PPIG: variants seen among roughly 807,000 people sequenced by gnomAD.
PPIG encodes peptidylprolyl isomerase G, also known as peptidyl-prolyl cis-trans isomerase G.
Under a neutral mutation model 87.9 loss-of-function variants are expected in PPIG, and 26 were observed. The ratio of observed to expected loss-of-function variants is 0.30; its 90% CI spans 0.22 to 0.41. PPIG has a LOEUF of 0.41. Ranked by LOEUF, PPIG falls within the 10% of genes least tolerant of loss-of-function variation. The pLI, the probability that PPIG is intolerant of heterozygous loss-of-function variation, is 1.00. For synonymous variants in PPIG, 308 were observed against 276.5 expected (o/e 1.11, Z -1.13); for missense variants, 722 against 879.4 (o/e 0.82, Z 2.26).
intron 1 of PPIG, among the ~76,000 whole-genome samples, chr2:169,589,991 C>A (rs903679670): frequency 1.7e-4 from 26 of 152,034 alleles, no homozygotes; most frequent in African/African-American, 6.3e-4. Flanking sequence ...TTCCAGTAAT[C>A]CCAGCTACTC....
intron 9 of PPIG, among the ~76,000 whole-genome samples, chr2:169,616,442 G>C (rs1685611103): frequency 6.6e-6 from 1 of 152,142 alleles, no homozygotes; most frequent in South Asian, 2.1e-4. Context: ...TACAATGGTT[G>C]AACTAATTTA....
At position 169,606,089 on chromosome 2, in the gene PPIG, T is replaced by C. The variant is rs763840791; in HGVS notation, c.187T>C (p.Cys63Arg). The C allele has an allele frequency of 6.2e-7, 1 of 1,613,632 alleles. No individual in the cohort carries two copies. The highest frequency in any genetic ancestry group is 8.5e-7 in the Non-Finnish European group (1 of 1,179,590). The change falls in exon 5 of 14, where the codon TGT becomes CGT. Residue 63 changes from cysteine (C) to arginine (R), a missense_variant. Cys to Arg is a radical substitution (Grantham distance 180, BLOSUM62 -3). Coordinates refer to ENST00000260970, the MANE Select transcript of PPIG (RefSeq NM_004792.3). ...TCAGAAACCATTACATTATAAGAGTTGTCTCTTTCACAGAGTTGTCAAGGA... is the reference window on the plus strand; with the variant it reads ...TCAGAAACCATTACATTATAAGAGTCGTCTCTTTCACAGAGTTGTCAAGGA... Reference protein sequence around the residue: ...STQKPLHYKSCLFHRVVKDFM... With the variant: ...STQKPLHYKSRLFHRVVKDFM...
intron 1 of PPIG, among the ~76,000 whole-genome samples, chr2:169,585,155 G>A (rs189130687): frequency 2.8e-4 from 42 of 152,320 alleles, no homozygotes; most frequent in Non-Finnish European, 4.6e-4. Context: ...TTTCGGAGGA[G>A]CTGTGAGCTG....
intron 1 of PPIG, among the ~76,000 whole-genome samples, chr2:169,593,430 A>C (rs1289850263): frequency 6.6e-6 from 1 of 152,050 alleles, no homozygotes; most frequent in South Asian, 2.1e-4. Flanking sequence ...TCCTGACCTC[A>C]GGTGATCTAC....
intron 1 of PPIG, among the ~76,000 whole-genome samples, chr2:169,593,350 A>C (rs1340050223): frequency 6.6e-6 from 1 of 151,968 alleles, no homozygotes; most frequent in Non-Finnish European, 1.5e-5. Flanking sequence ...ACCCACCACC[A>C]TGCCCGGCTA....
chr2:169,598,035 C>T (rs1574439701), intron 1 of PPIG, among the ~76,000 whole-genome samples: 1 of 150,032 alleles, frequency 6.7e-6, no homozygotes, highest in East Asian at 2.0e-4. Flanking sequence ...GGGTCCCACT[C>T]TGTCGCCCAA....
intron 1 of PPIG, among the ~76,000 whole-genome samples, chr2:169,598,764 T>G (rs1685091414): frequency 6.7e-6 from 1 of 149,418 alleles, no homozygotes; most frequent in Non-Finnish European, 1.5e-5. Flanking sequence ...TTATTTTGTA[T>G]TATATATCAA....
chr2:169,614,001 G>A (rs1685553283), intron 7 of PPIG, among the ~76,000 whole-genome samples: 1 of 152,192 alleles, frequency 6.6e-6, no homozygotes, highest in Admixed American at 6.5e-5. Flanking sequence ...AACAGTATAT[G>A]TCTGAGGATC....
chr2:169,591,106 TATA>T (rs1235914837), intron 1 of PPIG, among the ~76,000 whole-genome samples: 1 of 152,250 alleles, frequency 6.6e-6, no homozygotes, highest in African/African-American at 2.4e-5. Context: ...AACTTTAAAA[TATA>T]ATAAAGTTAC....
chr2:169,586,561 CTTA>C (rs899247120), intron 1 of PPIG, among the ~76,000 whole-genome samples: 3 of 152,072 alleles, frequency 2.0e-5, no homozygotes, highest in Admixed American at 6.6e-5. Flanking sequence ...TACTGTGGTG[CTTA>C]TTATTGTGGT....
chr2:169,606,159 A>C lies in PPIG; in HGVS notation c.244+13A>C. ...GACTTCAGTGAAGGTGAGACTTGGA[A>C]AAATCATGTATTATTTTCTGTTAAA... is the stretch of plus-strand genomic sequence containing the variant. On this transcript the variant is annotated intron_variant, in intron 5 of 13. Coordinates refer to ENST00000260970, the MANE Select transcript of PPIG (RefSeq NM_004792.3). 6.5e-7 allele frequency: 1 copy of C among 1,533,056 alleles called. No individual in the cohort carries two copies. Among genetic ancestry groups the C allele is most frequent in the Non-Finnish European group, 9.0e-7 (1 of 1,106,806 alleles). The allele number at this position is 1,533,056 out of a possible 1,614,324, so 95.0% of individuals were successfully genotyped here. A position where few individuals can be genotyped will look rare whatever the true frequency, so the allele number is the denominator to read the frequency against.
At chr2:169,602,868 A>C (rs1268529753) in intron 1 of PPIG, among the ~76,000 whole-genome samples, 1 of 152,182 alleles carries the variant, frequency 6.6e-6, no homozygotes, top group African/African-American at 2.4e-5. Context: ...ACCAGTTAGG[A>C]GGCTATTGGA....
intron 1 of PPIG, among the ~76,000 whole-genome samples, chr2:169,594,324 C>CAA (rs375893335): frequency 0.4 from 56,150 of 140,074 alleles, 12,167 homozygotes; most frequent in East Asian, 0.58. Flanking sequence ...TGTTGATAGG[C>CAA]AAAAAAAAAA....
chr2:169,610,552 AGT>A (rs1353486842), intron 7 of PPIG, among the ~76,000 whole-genome samples: 1 of 151,852 alleles, frequency 6.6e-6, no homozygotes, highest in East Asian at 1.9e-4. Context: ...AATACTGTGA[AGT>A]GTCTCTCCCA....
intron 1 of PPIG, among the ~76,000 whole-genome samples, chr2:169,590,416 G>A (rs1446842768): frequency 6.6e-6 from 1 of 152,102 alleles, no homozygotes; most frequent in African/African-American, 2.4e-5. Context: ...CGAGGCAGGC[G>A]GATCACCAGG....
At chr2:169,591,384 A>G (rs181444830) in intron 1 of PPIG, among the ~76,000 whole-genome samples, 5 of 152,322 alleles carry the variant, frequency 3.3e-5, no homozygotes, top group Admixed American at 2.0e-4. Flanking sequence ...TTGAAATACA[A>G]AAGTGACTAT....
At chr2:169,619,587 CTCT>C (rs368323335) in intron 9 of PPIG, among the ~76,000 whole-genome samples, 93 of 152,178 alleles carry the variant, frequency 6.1e-4, no homozygotes, top group African/African-American at 1.6e-3. Flanking sequence ...GGATAGTTAG[CTCT>C]TCTTATTGCA....
intron 9 of PPIG, among the ~76,000 whole-genome samples, chr2:169,622,360 A>G (rs1221791437): frequency 6.6e-6 from 1 of 152,270 alleles, no homozygotes; most frequent in Non-Finnish European, 1.5e-5. Flanking sequence ...AAAGGGCAGT[A>G]CTTGAATATT....
In PPIG at chr2:169,640,574, G is replaced by C. The variant is rs1686288615; in HGVS notation, c.*3051G>C. The C allele has an allele frequency of 1.3e-5, 2 of 152,138 alleles. No homozygotes were observed. The highest frequency in any genetic ancestry group is 4.1e-4 in the South Asian group (2 of 4,828). 9.4% of individuals were successfully genotyped at this position (152,138 alleles called of 1,614,324 possible). A position where few individuals can be genotyped will look rare whatever the true frequency, so the allele number is the denominator to read the frequency against. On this transcript the variant is annotated 3_prime_UTR_variant, in exon 14 of 14. Coordinates refer to ENST00000260970, the MANE Select transcript of PPIG (RefSeq NM_004792.3). ...GAAGGTACTTTAAATACCTACCATA[G>C]CTGATTTGTTATAAAGAAACAAAAT...
Sources: allele counts gnomAD v4.1 joint callset (sites outside exome capture counted in the v4.1 genomes callset), GRCh38; gene constraint gnomAD v4.1.1; transcripts MANE v1.5; gene names NCBI Gene and HGNC (gene_info 2026-07-23, HGNC 2026-07-21).